Variants in HEXA observed in about 807,000 individuals in gnomAD.
HEXA encodes hexosaminidase subunit alpha, also known as beta-hexosaminidase subunit alpha.
Under a neutral mutation model 73.3 loss-of-function variants are expected in HEXA, and 54 were observed. That is an observed-to-expected ratio of 0.74 (90% CI 0.59 to 0.92). The LOEUF is 0.92. Ranked by LOEUF, HEXA falls within the 40% of genes least tolerant of loss-of-function variation. The probability of loss-of-function intolerance (pLI) is 0.00; values close to 1 mark genes in which losing one functional copy is unlikely to be tolerated. For missense variants in HEXA, 649 were observed against 653.0 expected (o/e 0.99, Z 0.07); for synonymous variants, 230 against 246.9 (o/e 0.93, Z 0.64).
At chr15:72,348,988 A>G in intron 8 of HEXA, 91 bp downstream of exon 8, 1 of 1,019,532 alleles carries the variant, frequency 9.8e-7, no homozygotes, top group Non-Finnish European at 1.6e-6. Context: ...CCCTGAGAGC[A>G]GCAGCTGAGC....
At chr15:72,349,644 A>G (rs1253330299) in intron 7 of HEXA, among the ~76,000 whole-genome samples, 1 of 152,244 alleles carries the variant, frequency 6.6e-6, no homozygotes, top group Non-Finnish European at 1.5e-5. Flanking sequence ...CTCCTCCTGT[A>G]GGTGGGGTCA....
intron 1 of HEXA, among the ~76,000 whole-genome samples, chr15:72,362,960 A>C (rs9806374): frequency 0.042 from 6,344 of 152,202 alleles, 363 homozygotes; most frequent in African/African-American, 0.13. Context: ...AAAACTAAGA[A>C]AGGCAACCCA....
At chr15:72,363,944 T>C (rs1451006594) in intron 1 of HEXA, among the ~76,000 whole-genome samples, 3 of 152,096 alleles carry the variant, frequency 2.0e-5, no homozygotes, top group African/African-American at 4.8e-5. Flanking sequence ...AATACATAAA[T>C]TTATTAATTT....
chr15:72,375,412 T>G (rs1398361310), intron 1 of HEXA, among the ~76,000 whole-genome samples: 1 of 152,198 alleles, frequency 6.6e-6, no homozygotes, highest in Non-Finnish European at 1.5e-5. Context: ...TTTTGAGTGT[T>G]TTCTCTGGTC....
Position 72,341,029 on chromosome 15 carries a change from A to G in HEXA, c.*3048T>C, listed in dbSNP as rs2088550667. 6.6e-6 allele frequency: 1 copy of G among 152,190 alleles called. No homozygotes were observed. Among genetic ancestry groups the G allele is most frequent in the Admixed American group, 6.5e-5 (1 of 15,282 alleles). 9.4% of individuals were successfully genotyped at this position (152,190 alleles called of 1,614,324 possible). On this transcript the variant is annotated 3_prime_UTR_variant, in exon 14 of 14. Coordinates refer to ENST00000268097, the MANE Select transcript of HEXA (RefSeq NM_000520.6). ...TATTTTTTTTCTTCGTGGAAAAAAAAGTATGTGACACATACTTGTCATGCC... is the reference window on the plus strand; with the variant it reads ...TATTTTTTTTCTTCGTGGAAAAAAAGGTATGTGACACATACTTGTCATGCC...
chr15:72,361,192 A>G (rs1022513226), intron 1 of HEXA, among the ~76,000 whole-genome samples: 3 of 152,224 alleles, frequency 2.0e-5, no homozygotes, highest in African/African-American at 7.2e-5. Context: ...CAGCTGTCAG[A>G]GAGCTAATAG....
chr15:72,350,722 C>A, intron 6 of HEXA, 72 bp from the exon 7 acceptor site: 2 of 1,566,564 alleles, frequency 1.3e-6, no homozygotes, highest in Non-Finnish European at 1.8e-6. Flanking sequence ...CTCAAAATGC[C>A]CACAAGACTC....
chr15:72,349,363 C>A, intron 7 of HEXA, 104 bp from the exon 8 acceptor site: 1 of 898,522 alleles, frequency 1.1e-6, no homozygotes, highest in South Asian at 1.3e-5. Context: ...CAAGTGTATT[C>A]ATAAACATCA....
At chr15:72,347,477 C>A (rs1354011012) in intron 10 of HEXA, among the ~76,000 whole-genome samples, 2 of 151,954 alleles carry the variant, frequency 1.3e-5, no homozygotes, top group Non-Finnish European at 2.9e-5. Context: ...AAGCAATCCC[C>A]CTGCCTTGGC....
chr15:72,365,061 A>G (rs528870096), intron 1 of HEXA, among the ~76,000 whole-genome samples: 2 of 151,608 alleles, frequency 1.3e-5, no homozygotes, highest in South Asian at 2.1e-4. Context: ...CTTGGCCTCA[A>G]GCATTTCTTT....
rs147502219 is a variant in HEXA, at chr15:72,345,482, T to A, written c.1490A>T (p.Tyr497Phe). 3.1e-6 allele frequency: 5 copies of A among 1,614,246 alleles called. No individual in the cohort carries two copies. The highest frequency in any genetic ancestry group is 1.7e-5 in the Admixed American group (1 of 60,030). The change falls in exon 13 of 14, where the codon TAT becomes TTT. Residue 497 changes from tyrosine (Y) to phenylalanine (F), a missense_variant. By Grantham distance (22) the Tyr-to-Phe change is conservative. Coordinates refer to ENST00000268097, the MANE Select transcript of HEXA (RefSeq NM_000520.6). ...ACAGCGGAAGTGTGACAAACGTTCATAGGCAAATGTCAGGTCAGATGTCAA... is the reference window on the plus strand; with the variant it reads ...ACAGCGGAAGTGTGACAAACGTTCAAAGGCAAATGTCAGGTCAGATGTCAA... Reference protein sequence around the residue: ...NKLTSDLTFAYERLSHFRCEL... With the variant: ...NKLTSDLTFAFERLSHFRCEL...
rs1390872805 is a variant in HEXA at position 72,353,079 on chromosome 15, G to A, written c.559C>T (p.Leu187=). 1 of 1,607,878 alleles carries A rather than the reference G, an allele frequency of 6.2e-7. No individual in the cohort carries two copies. The highest frequency in any genetic ancestry group is 1.7e-5 in the Admixed American group (1 of 60,016). Residue 187 remains leucine (L), a synonymous_variant, in exon 5 of 14, where the codon CTG becomes TTG. Coordinates refer to ENST00000268097, the MANE Select transcript of HEXA (RefSeq NM_000520.6). ...SRHYLPLSSI[L]DTLDVMAYNK... ...TAAGGCCTGGTTACCAGAGTGTCCAGGATGCTAGAGAGTGGCAGGTAATGG... is the reference window on the plus strand; with the variant it reads ...TAAGGCCTGGTTACCAGAGTGTCCAAGATGCTAGAGAGTGGCAGGTAATGG...
chr15:72,367,495 C>T (rs1429766234), intron 1 of HEXA, among the ~76,000 whole-genome samples: 4 of 152,224 alleles, frequency 2.6e-5, no homozygotes, highest in African/African-American at 9.7e-5. Context: ...CTTATCTAGA[C>T]CACTGTTGGC....
chr15:72,353,778 G>A (rs2088734904), intron 3 of HEXA, 41 bp from the exon 4 acceptor site: 2 of 1,418,478 alleles, frequency 1.4e-6, no homozygotes, highest in African/African-American at 1.4e-5. Context: ...CTCAGGGAGT[G>A]GAAAAAGAGA....
At chr15:72,372,396 C>A (rs2089005955) in intron 1 of HEXA, among the ~76,000 whole-genome samples, 1 of 151,706 alleles carries the variant, frequency 6.6e-6, no homozygotes, top group Non-Finnish European at 1.5e-5. Context: ...GACTTAGCCA[C>A]TTTACTTGGA....
rs1396944040 is a variant in HEXA, at chr15:72,349,172, T to C, written c.893A>G (p.Tyr298Cys). 1.2e-6 allele frequency: 2 copies of C among 1,613,570 alleles called. No individual in the cohort carries two copies. Among genetic ancestry groups the C allele is most frequent in the Non-Finnish European group, 8.5e-7 (1 of 1,179,490 alleles). Residue 298 changes from tyrosine (Y) to cysteine (C), a missense_variant, in exon 8 of 14, where the codon TAT (tyrosine) becomes TGT (cysteine). Physicochemically the swap from Tyr to Cys is radical, Grantham distance 194 (BLOSUM62 -2). Transcript: ENST00000268097. ...GPVNPSLNNT[Y>C]EFMSTFFLEV... ...TAAGAAGAATGTGCTCATGAACTCA[T>C]AGGTATTATTGAGACTGGGATTCAC... is the stretch of plus-strand genomic sequence containing the variant.
intron 1 of HEXA, among the ~76,000 whole-genome samples, chr15:72,372,210 A>G (rs1283756115): frequency 1.3e-5 from 2 of 152,042 alleles, no homozygotes; most frequent in African/African-American, 2.4e-5. Context: ...TTAGCCAGGC[A>G]TGGTGGTGGG....
Position 72,353,106 on chromosome 15 carries a change from G to A in HEXA, c.532C>T (p.Arg178Cys), listed in dbSNP as rs121907953. ...ATGCTAGAGAGTGGCAGGTAATGGC[G>A]AGATGTATCCAACAGCAAGCCCCGG... The part of the protein sequence containing the change: ...PHRGLLLDTS[R>C]HYLPLSSILD... The change falls in exon 5 of 14, where the codon CGC becomes TGC. Residue 178 changes from arginine (R) to cysteine (C), a missense_variant. Coordinates refer to ENST00000268097, the MANE Select transcript of HEXA (RefSeq NM_000520.6). 13 of 1,613,432 alleles carry A rather than the reference G, an allele frequency of 8.1e-6. No individual in the cohort carries two copies. The highest frequency in any genetic ancestry group is 2.2e-5 in the East Asian group (1 of 44,876).
intron 1 of HEXA, chr15:72,358,992 GC>G (rs1235577676): frequency 1.4e-4 from 22 of 152,482 alleles, no homozygotes; most frequent in African/African-American, 5.3e-4. Flanking sequence ...GCACAGTATG[GC>G]AAACAGCCCG....
Sources: allele counts gnomAD v4.1 joint callset (sites outside exome capture counted in the v4.1 genomes callset), GRCh38; gene constraint gnomAD v4.1.1; transcripts MANE v1.5; gene names NCBI Gene and HGNC (gene_info 2026-07-23, HGNC 2026-07-21).